CDKN1A: variants seen among roughly 807,000 people sequenced by gnomAD.
CDKN1A encodes cyclin-dependent kinase inhibitor 1.
CDKN1A carries 14 observed loss-of-function variants against 14.8 expected under a neutral mutation model. The ratio of observed to expected loss-of-function variants is 0.94; its 90% CI spans 0.62 to 1.48. The LOEUF (loss-of-function observed/expected upper bound fraction) is 1.48, where lower values mean the gene tolerates loss of function less well. Ranked by LOEUF, CDKN1A falls within the 40% of genes most tolerant of loss-of-function variation. The pLI, the probability that CDKN1A is intolerant of heterozygous loss-of-function variation, is 0.00. For missense variants in CDKN1A, 203 were observed against 231.7 expected, an observed-to-expected ratio of 0.88 and a Z score of 0.80; for synonymous variants, 92 against 93.5, an observed-to-expected ratio of 0.98 and a Z score of 0.09.
intron 1 of CDKN1A, among the ~76,000 whole-genome samples, chr6:36,679,630 C>T (rs1003812573): frequency 6.6e-6 from 1 of 152,218 alleles, no homozygotes; most frequent in African/African-American, 2.4e-5. Context: ...TCCGGGACAC[C>T]GCGTCGGGTC....
rs3176352 is a variant in CDKN1A, at chr6:36,684,562, C to G, written c.445+16C>G. On this transcript the variant is annotated intron_variant, in intron 2 of 2. Coordinates refer to ENST00000244741, the MANE Select transcript of CDKN1A (RefSeq NM_000389.5). This position sits in a 1 kb window ranked among gnomAD's most constrained non-coding sequence, Gnocchi z 6.0. ...AGCATGACAGGTGCGGACATGTGCA[C>G]GGAAGGACTTTGTAAGGGACCAGGA... 498,958 of 1,610,990 alleles carry G rather than the reference C, an allele frequency of 0.31. 87,473 individuals are homozygous for G. Among genetic ancestry groups the G allele is most frequent in the African/African-American group, 0.63 (47,457 of 74,902 alleles).
Position 36,686,266 on chromosome 6 carries a change from T to C in CDKN1A, c.*466T>C, listed in dbSNP as rs922162572. 3.2e-6 allele frequency: 1 copy of C among 312,558 alleles called. No homozygotes were observed. The allele number at this position is 312,558 out of a possible 1,614,324, so 19.4% of individuals were successfully genotyped here. The stretch of plus-strand genomic sequence containing the variant: ...CTTTTTCATTTGAGAAGTAAACAGA[T>C]GGCACTTTGAAGGGGCCTCACCGAG... On this transcript the variant is annotated 3_prime_UTR_variant, in exon 3 of 3. Transcript: ENST00000244741. This position sits in a 1 kb window ranked among gnomAD's most constrained non-coding sequence, Gnocchi z 4.9.
At chr6:36,678,142 T>C, upstream of CDKN1A, 1 of 364,058 alleles carries the variant, frequency 2.7e-6, no homozygotes, top group South Asian at 2.2e-5. The surrounding 1 kb of genome is among the most constrained non-coding windows in gnomAD (Gnocchi z 5.7). Flanking sequence ...CTCAAGATGC[T>C]TTGTTGGGGT....
In CDKN1A at chr6:36,687,225, C is replaced by A. The variant is rs1267037831; in HGVS notation, c.*1425C>A. 4.3e-6 allele frequency: 1 copy of A among 233,102 alleles called. No homozygotes were observed. Among genetic ancestry groups the A allele is most frequent in the Non-Finnish European group, 8.5e-6 (1 of 118,050 alleles). The allele number at this position is 233,102 out of a possible 1,614,324, so 14.4% of individuals were successfully genotyped here. On this transcript the variant is annotated 3_prime_UTR_variant, in exon 3 of 3. Coordinates refer to ENST00000244741, the MANE Select transcript of CDKN1A (RefSeq NM_000389.5). ...CCCGTTTCTCCACCTAGACTGTAAA[C>A]CTCTCGAGGGCAGGGACCACACCCT...
chr6:36,684,549 G>A lies in CDKN1A; in HGVS notation c.445+3G>A, dbSNP rs764938838. The A allele has an allele frequency of 2.5e-6, 4 of 1,613,648 alleles. No individual in the cohort carries two copies. Among genetic ancestry groups the A allele is most frequent in the Non-Finnish European group, 3.4e-6 (4 of 1,179,776 alleles). ...ACGGCGGCAGACCAGCATGACAGGTGCGGACATGTGCACGGAAGGACTTTG... is the reference window on the plus strand; with the variant it reads ...ACGGCGGCAGACCAGCATGACAGGTACGGACATGTGCACGGAAGGACTTTG... On this transcript the variant is annotated splice_donor_region_variant and intron_variant, in intron 2 of 2. Coordinates refer to ENST00000244741, the MANE Select transcript of CDKN1A (RefSeq NM_000389.5). This position sits in a 1 kb window ranked among gnomAD's most constrained non-coding sequence, Gnocchi z 6.0.
chr6:36,686,964 C>T lies in CDKN1A; in HGVS notation c.*1164C>T, dbSNP rs573326094. On this transcript the variant is annotated 3_prime_UTR_variant, in exon 3 of 3. Coordinates refer to ENST00000244741, the MANE Select transcript of CDKN1A (RefSeq NM_000389.5). The surrounding 1 kb of genome is among the most constrained non-coding windows in gnomAD (Gnocchi z 4.9). ...CAGTTCATTGCACTTTGATTAGCAG[C>T]GGAACAAGGAGTCAGACATTTTAAG... 4.7e-5 allele frequency: 11 copies of T among 233,782 alleles called. No individual in the cohort carries two copies. Among genetic ancestry groups the T allele is most frequent in the East Asian group, 2.4e-4 (4 of 16,590 alleles). The allele number at this position is 233,782 out of a possible 1,614,324, so 14.5% of individuals were successfully genotyped here. A position where few individuals can be genotyped will look rare whatever the true frequency, so the allele number is the denominator to read the frequency against.
chr6:36,680,234 C>G (rs1222646851), intron 1 of CDKN1A, among the ~76,000 whole-genome samples: 1 of 151,954 alleles, frequency 6.6e-6, no homozygotes, highest in Non-Finnish European at 1.5e-5. Flanking sequence ...TCTGACTCAT[C>G]CCGTGCTTTG....
intron 1 of CDKN1A, among the ~76,000 whole-genome samples, chr6:36,681,367 T>A (rs537880530): frequency 2.7e-5 from 2 of 73,550 alleles, no homozygotes; most frequent in East Asian, 8.9e-4. Context: ...TTTCTTTTCT[T>A]TCTTTCTTTC....
At chr6:36,681,273 T>TCTCTTTCCTTCC (rs199814609) in intron 1 of CDKN1A, among the ~76,000 whole-genome samples, 1 of 94,062 alleles carries the variant, frequency 1.1e-5, no homozygotes, top group Admixed American at 1.0e-4. Context: ...CTTTTCTTTC[T>TCTCTTTCCTTCC]TTCTTTTTTT....
chr6:36,679,976 G>A (rs1026865752), intron 1 of CDKN1A, among the ~76,000 whole-genome samples: 2 of 152,188 alleles, frequency 1.3e-5, no homozygotes, highest in African/African-American at 4.8e-5. Flanking sequence ...AGGGCTGAGC[G>A]GAGCAGGGGG....
intron 1 of CDKN1A, among the ~76,000 whole-genome samples, chr6:36,682,347 G>A (rs1762045898): frequency 6.6e-6 from 1 of 152,202 alleles, no homozygotes; most frequent in African/African-American, 2.4e-5. Context: ...CCTAGCAGAG[G>A]GTGGATAGAG....
At chr6:36,682,400 T>C (rs1257382801) in intron 1 of CDKN1A, among the ~76,000 whole-genome samples, 1 of 152,242 alleles carries the variant, frequency 6.6e-6, no homozygotes, top group Non-Finnish European at 1.5e-5. Context: ...GACCCCTTTA[T>C]GGGGCAGTGG....
At chr6:36,681,334 T>TTCTTTCTTTCTTTCTTTCTTTTTC (rs780161958) in intron 1 of CDKN1A, among the ~76,000 whole-genome samples, 12 of 86,110 alleles carry the variant, frequency 1.4e-4, no homozygotes, top group African/African-American at 3.5e-4. Flanking sequence ...CTTTCTTTCT[T>TTCTTTCTTTCTTTCTTTCTTTTTC]TTTCTTTCTT....
chr6:36,678,671 G>T, upstream of CDKN1A: 1 of 985,422 alleles, frequency 1.0e-6, no homozygotes, highest in Non-Finnish European at 1.2e-6. This position sits in a 1 kb window ranked among gnomAD's most constrained non-coding sequence, Gnocchi z 5.7. Context: ...GCGGGCCCGG[G>T]CGGGGCGGTT....
rs184742749 is a variant in CDKN1A at position 36,686,454 on chromosome 6, G to C, written c.*654G>C. On this transcript the variant is annotated 3_prime_UTR_variant, in exon 3 of 3. Coordinates refer to ENST00000244741, the MANE Select transcript of CDKN1A (RefSeq NM_000389.5). This position sits in a 1 kb window ranked among gnomAD's most constrained non-coding sequence, Gnocchi z 4.9. ...AAGGCAGGGGGAAGGTGGGGTCCTG[G>C]AGCAGACCACCCCGCCTGCCCTCAT... 4.6e-3 allele frequency: 1,109 copies of C among 239,526 alleles called. 13 individuals are homozygous for C. Among genetic ancestry groups the C allele is most frequent in the African/African-American group, 0.023 (1,030 of 45,490 alleles). 14.8% of individuals were successfully genotyped at this position (239,526 alleles called of 1,614,324 possible).
Position 36,678,735 on chromosome 6 carries a change from G to A in CDKN1A, c.-69G>A, listed in dbSNP as rs767092789. ...AGCTGAGGTGTGAGCAGCTGCCGAA[G>A]TCAGTTCCTTGTGGAGCCGGAGCTG... On this transcript the variant is annotated 5_prime_UTR_variant, in exon 1 of 3. Transcript: ENST00000244741. This position sits in a 1 kb window ranked among gnomAD's most constrained non-coding sequence, Gnocchi z 5.7. 1.0e-6 allele frequency: 1 copy of A among 985,658 alleles called. No individual in the cohort carries two copies. Among genetic ancestry groups the A allele is most frequent in the Non-Finnish European group, 1.2e-6 (1 of 830,094 alleles). 61.1% of individuals were successfully genotyped at this position (985,658 alleles called of 1,614,324 possible). A position where few individuals can be genotyped will look rare whatever the true frequency, so the allele number is the denominator to read the frequency against.
Position 36,683,625 on chromosome 6 carries a change from C to T in CDKN1A, c.-5-472C>T, listed in dbSNP as rs4135241. Among the ~76,000 whole-genome samples the T allele has an allele frequency of 1.6e-3, 236 of 152,230 alleles. 5 individuals carry two copies. The East Asian group carries it at 0.033, about 21-fold the overall frequency. Reference sequence around the variant, plus strand: ...GGTTACCCTACTTGGGGATCTGGGTCGGGGGACTTAGGAGGCTGGAGGAAC... The same window carrying T: ...GGTTACCCTACTTGGGGATCTGGGTTGGGGGACTTAGGAGGCTGGAGGAAC... On this transcript the variant is annotated intron_variant, in intron 1 of 2. Coordinates refer to ENST00000244741, the MANE Select transcript of CDKN1A (RefSeq NM_000389.5).
rs1308733953 is a variant in CDKN1A, at chr6:36,681,280, T to TTTCTTTCTTTCTTTCTTTC, written c.-6+2484_-6+2485insCTTTCTTTCTTTCTTTCTT. The stretch of plus-strand genomic sequence containing the variant: ...CCTAGGTGCTTTTCTTTCTTTCTTT[T>TTTCTTTCTTTCTTTCTTTC]TTTCTTTCTTTCTTTCTTTCTTTCT... On this transcript the variant is annotated intron_variant, in intron 1 of 2. Coordinates refer to ENST00000244741, the MANE Select transcript of CDKN1A (RefSeq NM_000389.5). Among the ~76,000 whole-genome samples, 463 of 112,734 alleles carry TTTCTTTCTTTCTTTCTTTC rather than the reference T, an allele frequency of 4.1e-3. 14 individuals are homozygous for TTTCTTTCTTTCTTTCTTTC. The highest frequency in any genetic ancestry group is 9.3e-3 in the Middle Eastern group (2 of 216). The allele number at this position is 112,734 out of a possible 152,430, so 74.0% of individuals were successfully genotyped here. A position where few individuals can be genotyped will look rare whatever the true frequency, so the allele number is the denominator to read the frequency against.
In CDKN1A at chr6:36,686,197, G is replaced by A. The variant is rs1454501485; in HGVS notation, c.*397G>A. On this transcript the variant is annotated 3_prime_UTR_variant, in exon 3 of 3. Coordinates refer to ENST00000244741, the MANE Select transcript of CDKN1A (RefSeq NM_000389.5). The surrounding 1 kb of genome is among the most constrained non-coding windows in gnomAD (Gnocchi z 4.9). ...GCTCCTTCCCATCGCTGTCACAGGC[G>A]GTTATGAAATTCACCCCCTTTCCTG... 26 of 349,034 alleles carry A rather than the reference G, an allele frequency of 7.4e-5. No homozygotes were observed. Among genetic ancestry groups the A allele is most frequent in the African/African-American group, 6.2e-5 (3 of 48,256 alleles). The allele number at this position is 349,034 out of a possible 1,614,324, so 21.6% of individuals were successfully genotyped here. A position where few individuals can be genotyped will look rare whatever the true frequency, so the allele number is the denominator to read the frequency against.
Sources: allele counts gnomAD v4.1 joint callset (sites outside exome capture counted in the v4.1 genomes callset), GRCh38; gene constraint gnomAD v4.1.1; non-coding constraint Gnocchi (gnomAD v3.1); transcripts MANE v1.5; gene names NCBI Gene and HGNC (gene_info 2026-07-23, HGNC 2026-07-21).